The following JAKMIP1 variants were observed in gnomAD, a reference collection of about 807,000 sequenced individuals.
The protein encoded by JAKMIP1 is janus kinase and microtubule interacting protein 1.
JAKMIP1 carries 33 observed loss-of-function variants against 113.0 expected under a neutral mutation model. The observed-to-expected ratio is 0.29, with a 90% CI of 0.22 to 0.39. JAKMIP1 has a LOEUF of 0.39. Ranked by LOEUF, JAKMIP1 falls within the 10% of genes least tolerant of loss-of-function variation. The pLI, the probability that JAKMIP1 is intolerant of heterozygous loss-of-function variation, is 1.00. For missense variants in JAKMIP1, 813 were observed against 1,080.5 expected, an observed-to-expected ratio of 0.75 and a Z score of 3.47; for synonymous variants, 480 against 459.9, an observed-to-expected ratio of 1.04 and a Z score of -0.56.
intron 1 of JAKMIP1, among the ~76,000 whole-genome samples, chr4:6,115,826 T>G (rs560864234): frequency 2.5e-3 from 375 of 152,326 alleles, no homozygotes; most frequent in Non-Finnish European, 4.0e-3. Context: ...CCCACCGGCC[T>G]CGCAGGCAGG....
rs956737646 is a variant in JAKMIP1, at chr4:6,185,838, A to C, written c.-148+14415T>G. Among the ~76,000 whole-genome samples, 15 of 152,220 alleles carry C rather than the reference A, an allele frequency of 9.9e-5. No individual in the cohort carries two copies. The highest frequency in any genetic ancestry group is 3.4e-4 in the African/African-American group (14 of 41,452). On this transcript the variant is annotated intron_variant, in intron 1 of 20. Transcript: ENST00000409021. The surrounding 1 kb of genome is among the most constrained non-coding windows in gnomAD (Gnocchi z 5.3). ...TAAGGCTCATTAAGGCAGGTGTTCT[A>C]GACAATACCTTTAACAGCCCACAGC...
In JAKMIP1 at chr4:6,139,085, TATAC is replaced by T. The variant is rs1323322065; in HGVS notation, c.-147-26092_-147-26089del. ...ACACACACACACACACACACACACA[TATAC>T]ACACACACACACACACCAGCAGGTC... On this transcript the variant is annotated intron_variant, in intron 1 of 20. Coordinates refer to ENST00000409021, the MANE Select transcript of JAKMIP1 (RefSeq NM_001099433.2). The surrounding 1 kb of genome is among the most constrained non-coding windows in gnomAD (Gnocchi z 5.2). Among the ~76,000 whole-genome samples the T allele has an allele frequency of 3.6e-4, 10 of 27,994 alleles. No homozygotes were observed. The highest frequency in any genetic ancestry group is 4.2e-3 in the East Asian group (2 of 480). 18.4% of individuals were successfully genotyped at this position (27,994 alleles called of 152,430 possible). A position where few individuals can be genotyped will look rare whatever the true frequency, so the allele number is the denominator to read the frequency against.
rs1293941784 is a variant in JAKMIP1, at chr4:6,137,872, C to T, written c.-147-24875G>A. Among the ~76,000 whole-genome samples the T allele has an allele frequency of 6.6e-6, 1 of 152,016 alleles. No homozygotes were observed. The highest frequency in any genetic ancestry group is 1.5e-5 in the Non-Finnish European group (1 of 68,008). ...GTGTGCTCTGGCGTTGGGGGTCCAA[C>T]CATGGCCTTCTCCTTCCTGGCATGG... On this transcript the variant is annotated intron_variant, in intron 1 of 20. Coordinates refer to ENST00000409021, the MANE Select transcript of JAKMIP1 (RefSeq NM_001099433.2). The surrounding 1 kb of genome is among the most constrained non-coding windows in gnomAD (Gnocchi z 4.5).
rs1718579834 is a variant in JAKMIP1, at chr4:6,069,094, G to C, written c.1303-4086C>G. Among the ~76,000 whole-genome samples, 1 of 152,092 alleles carries C rather than the reference G, an allele frequency of 6.6e-6. No homozygotes were observed. The highest frequency in any genetic ancestry group is 2.4e-5 in the African/African-American group (1 of 41,400). ...AACACAGTGGCTATCTTCCTTGAAG[G>C]CAATGCAACTGGTTTTGCACTGCAT... On this transcript the variant is annotated intron_variant, in intron 8 of 20. Coordinates refer to ENST00000409021, the MANE Select transcript of JAKMIP1 (RefSeq NM_001099433.2). This position sits in a 1 kb window ranked among gnomAD's most constrained non-coding sequence, Gnocchi z 4.5.
At position 6,141,932 on chromosome 4, in the gene JAKMIP1, C is replaced by T. The variant is rs1037611083; in HGVS notation, c.-147-28935G>A. ...TCTCTCATTTTAAAAATCAAGTTTA[C>T]TCCAATAAAGAAACTTGGGAGAACA... On this transcript the variant is annotated intron_variant, in intron 1 of 20. Coordinates refer to ENST00000409021, the MANE Select transcript of JAKMIP1 (RefSeq NM_001099433.2). This position sits in a 1 kb window ranked among gnomAD's most constrained non-coding sequence, Gnocchi z 9.4. Among the ~76,000 whole-genome samples, 1 of 152,158 alleles carries T rather than the reference C, an allele frequency of 6.6e-6. No individual in the cohort carries two copies. The highest frequency in any genetic ancestry group is 2.4e-5 in the African/African-American group (1 of 41,432).
At chr4:6,198,137 G>GA (rs1183657068) in intron 1 of JAKMIP1, among the ~76,000 whole-genome samples, 1 of 152,240 alleles carries the variant, frequency 6.6e-6, no homozygotes, top group African/African-American at 2.4e-5. Context: ...TCTGCTTAAG[G>GA]AAAAACTACA....
chr4:6,119,771 A>T (rs1389301568), intron 1 of JAKMIP1, among the ~76,000 whole-genome samples: 1 of 152,214 alleles, frequency 6.6e-6, no homozygotes, highest in Non-Finnish European at 1.5e-5. Context: ...CTGCAAGGTG[A>T]GATCAGAAGG....
In JAKMIP1 at chr4:6,154,303, C is replaced by A. The variant is rs1721968867; in HGVS notation, c.-147-41306G>T. Among the ~76,000 whole-genome samples the A allele has an allele frequency of 6.6e-6, 1 of 152,132 alleles. No homozygotes were observed. The highest frequency in any genetic ancestry group is 1.5e-5 in the Non-Finnish European group (1 of 68,022). On this transcript the variant is annotated intron_variant, in intron 1 of 20. Transcript: ENST00000409021. This position sits in a 1 kb window ranked among gnomAD's most constrained non-coding sequence, Gnocchi z 4.2. ...CATTGAACTACTTTAATAATTCGGTCATTTTCACATCAAAACCATTGCAAG... is the reference window on the plus strand; with the variant it reads ...CATTGAACTACTTTAATAATTCGGTAATTTTCACATCAAAACCATTGCAAG...
At chr4:6,041,984 C>T (rs1298451092) in intron 17 of JAKMIP1, among the ~76,000 whole-genome samples, 175 bp downstream of exon 17, 8 of 152,142 alleles carry the variant, frequency 5.3e-5, no homozygotes, top group Non-Finnish European at 1.2e-4. Flanking sequence ...AGTAATTGAG[C>T]GAGTGAAAGA....
intron 1 of JAKMIP1, among the ~76,000 whole-genome samples, chr4:6,125,138 G>T (rs75257744): frequency 0.037 from 5,647 of 152,224 alleles, 336 homozygotes; most frequent in African/African-American, 0.13. Context: ...GGGGATGTGT[G>T]CGTTTCTGCA....
At chr4:6,030,153 C>T (rs367686400) in intron 19 of JAKMIP1, among the ~76,000 whole-genome samples, 1 of 152,104 alleles carries the variant, frequency 6.6e-6, no homozygotes, top group Non-Finnish European at 1.5e-5. Context: ...AACATGTAGG[C>T]ACCCTGAGCA....
At position 6,199,670 on chromosome 4, in the gene JAKMIP1, C is replaced by T. The variant is rs1490892441; in HGVS notation, c.-148+583G>A. Among the ~76,000 whole-genome samples the T allele has an allele frequency of 6.6e-6, 1 of 151,576 alleles. No homozygotes were observed. Among genetic ancestry groups the T allele is most frequent in the Admixed American group, 6.6e-5 (1 of 15,222 alleles). On this transcript the variant is annotated intron_variant, in intron 1 of 20. Transcript: ENST00000409021. The surrounding 1 kb of genome is among the most constrained non-coding windows in gnomAD (Gnocchi z 5.6). ...GCGCGAGGGTGTGCGTGGCAGGGGC[C>T]GCGGCGGCGTGTGCCGTGCGTGGGG...
rs1715303284 is a variant in JAKMIP1, at chr4:6,048,782, G to A, written c.2028+75C>T. The stretch of plus-strand genomic sequence containing the variant: ...CGCATGCTCCCACGCAAAGCAAGAC[G>A]CCAATGTACAGTTTCTTGTATGGTG... On this transcript the variant is annotated intron_variant, in intron 16 of 20. Transcript: ENST00000409021. The A allele has an allele frequency of 2.9e-5, 36 of 1,252,104 alleles. No individual in the cohort carries two copies. The Middle Eastern group carries it at 4.1e-3, about 142-fold the overall frequency. 77.6% of individuals were successfully genotyped at this position (1,252,104 alleles called of 1,614,324 possible). A position where few individuals can be genotyped will look rare whatever the true frequency, so the allele number is the denominator to read the frequency against.
intron 1 of JAKMIP1, among the ~76,000 whole-genome samples, chr4:6,133,581 C>G (rs1718819805): frequency 6.6e-6 from 1 of 152,182 alleles, no homozygotes; most frequent in South Asian, 2.1e-4. Context: ...GATGTTAATG[C>G]CTGATAGTGG....
Position 6,097,468 on chromosome 4 carries a change from C to T in JAKMIP1, c.624+8005G>A, listed in dbSNP as rs1300860304. 1.3e-5 allele frequency among the ~76,000 whole-genome samples: 2 copies of T among 152,096 alleles called. No homozygotes were observed. The highest frequency in any genetic ancestry group is 4.8e-5 in the African/African-American group (2 of 41,414). On this transcript the variant is annotated intron_variant, in intron 3 of 20. Coordinates refer to ENST00000409021, the MANE Select transcript of JAKMIP1 (RefSeq NM_001099433.2). The surrounding 1 kb of genome is among the most constrained non-coding windows in gnomAD (Gnocchi z 4.3). ...CACAGCTGATGGGGGCTAGGGGGATCTTTTTTCCCCTTGGGTATGCTAAAT... is the reference window on the plus strand; with the variant it reads ...CACAGCTGATGGGGGCTAGGGGGATTTTTTTTCCCCTTGGGTATGCTAAAT...
At chr4:6,045,844 T>C (rs548927696) in intron 16 of JAKMIP1, among the ~76,000 whole-genome samples, 27 of 152,262 alleles carry the variant, frequency 1.8e-4, no homozygotes, top group African/African-American at 6.0e-4. Context: ...CACTCCAGCC[T>C]GGGTGACAGA....
chr4:6,101,930 T>G, intron 3 of JAKMIP1, among the ~76,000 whole-genome samples: 1 of 148,516 alleles, frequency 6.7e-6, no homozygotes, highest in East Asian at 2.0e-4. Flanking sequence ...AAGAGTCTGC[T>G]GGGATTTTGG....
In JAKMIP1 at chr4:6,038,341, GCA is replaced by G. The variant is rs1713836506; in HGVS notation, c.2176-2236_2176-2235del. ...AACCCAGTAGCCCTCCATCACTGAG[GCA>G]GAGGTTAACCCAGTAGCCCTCCGTC... On this transcript the variant is annotated intron_variant, in intron 18 of 20. Coordinates refer to ENST00000409021, the MANE Select transcript of JAKMIP1 (RefSeq NM_001099433.2). Among the ~76,000 whole-genome samples the G allele has an allele frequency of 1.4e-5, 2 of 142,632 alleles. 1 individual carries two copies. The highest frequency in any genetic ancestry group is 3.0e-5 in the Non-Finnish European group (2 of 66,676). The allele number at this position is 142,632 out of a possible 152,430, so 93.6% of individuals were successfully genotyped here. A position where few individuals can be genotyped will look rare whatever the true frequency, so the allele number is the denominator to read the frequency against.
At chr4:6,112,140 T>A (rs11736567) in intron 2 of JAKMIP1, among the ~76,000 whole-genome samples, 8,480 of 152,266 alleles carry the variant, frequency 0.056, 287 homozygotes, top group African/African-American at 0.092. Flanking sequence ...TGAGTTCCTA[T>A]ATGATGAACT....
Sources: allele counts gnomAD v4.1 joint callset (sites outside exome capture counted in the v4.1 genomes callset), GRCh38; gene constraint gnomAD v4.1.1; non-coding constraint Gnocchi (gnomAD v3.1); transcripts MANE v1.5; gene names NCBI Gene and HGNC (gene_info 2026-07-23, HGNC 2026-07-21).